The following RNF128 variants were observed in gnomAD, a reference collection of about 807,000 sequenced individuals.
RNF128 encodes the protein E3 ubiquitin-protein ligase RNF128.
Under a neutral mutation model 26.2 loss-of-function variants are expected in RNF128, and 13 were observed. The observed-to-expected ratio is 0.50, with a 90% CI of 0.32 to 0.79. RNF128 has a LOEUF of 0.79. Ranked by LOEUF, RNF128 falls within the 30% of genes least tolerant of loss-of-function variation. The pLI is 0.03. For missense variants in RNF128, 315 were observed against 349.7 expected, an observed-to-expected ratio of 0.90 and a Z score of 0.79; for synonymous variants, 149 against 142.5, an observed-to-expected ratio of 1.05 and a Z score of -0.32.
At chrX:106,708,141 C>A (rs760236256) in intron 1 of RNF128, among the ~76,000 whole-genome samples, 2 of 111,955 alleles carry the variant, frequency 1.8e-5, no homozygotes, top group East Asian at 5.6e-4. Context: ...TGGGGTTCCT[C>A]GGCTTGATGA....
chrX:106,788,591 T>C (rs1480384722), intron 4 of RNF128, among the ~76,000 whole-genome samples: 1 of 57,344 alleles, frequency 1.7e-5, no homozygotes, highest in East Asian at 5.5e-4. Flanking sequence ...TTACATAGTA[T>C]ATTATGTATA....
intron 1 of RNF128, among the ~76,000 whole-genome samples, chrX:106,765,985 G>T (rs1246880311): frequency 1.9e-5 from 2 of 106,049 alleles, no homozygotes; most frequent in African/African-American, 6.9e-5. Flanking sequence ...TTTCTGTCTT[G>T]GTGATAGTTT....
chrX:106,698,601 C>A (rs1330843645), intron 1 of RNF128, among the ~76,000 whole-genome samples: 1 of 111,152 alleles, frequency 9.0e-6, no homozygotes, highest in Non-Finnish European at 1.9e-5. Flanking sequence ...TTCAAATGAG[C>A]CTCAAATCTG....
intron 1 of RNF128, among the ~76,000 whole-genome samples, chrX:106,715,497 T>C (rs142759395): frequency 1.2e-3 from 140 of 112,150 alleles, no homozygotes; most frequent in Admixed American, 2.6e-3. Flanking sequence ...TTTTTTTTAA[T>C]TGGCTATCTG....
At chrX:106,789,591 C>T (rs1837164972) in intron 4 of RNF128, among the ~76,000 whole-genome samples, 1 of 101,266 alleles carries the variant, frequency 9.9e-6, no homozygotes, top group South Asian at 4.2e-4. Context: ...TATAGTTACA[C>T]ATGTAAATAT....
intron 1 of RNF128, among the ~76,000 whole-genome samples, chrX:106,772,170 T>C (rs1432852784): frequency 8.9e-6 from 1 of 111,902 alleles, no homozygotes; most frequent in South Asian, 3.8e-4. Flanking sequence ...ACTTATATAA[T>C]TGGTGGTAGA....
At chrX:106,707,013 CT>C (rs1411704163) in intron 1 of RNF128, among the ~76,000 whole-genome samples, 1 of 111,781 alleles carries the variant, frequency 8.9e-6, no homozygotes, top group East Asian at 2.8e-4. Context: ...CTGATATTTC[CT>C]TTACTTGGCA....
intron 1 of RNF128, among the ~76,000 whole-genome samples, chrX:106,734,140 A>G (rs888805343): frequency 9.0e-6 from 1 of 111,526 alleles, no homozygotes; most frequent in Non-Finnish European, 1.9e-5. Flanking sequence ...CTTGTAGTTG[A>G]AGGTTGTGGT....
upstream of RNF128, among the ~76,000 whole-genome samples, chrX:106,721,869 C>T (rs1018660713): frequency 3.6e-5 from 4 of 111,666 alleles, no homozygotes; most frequent in African/African-American, 1.3e-4. Context: ...GCCAGTTTTC[C>T]CTTCTGTAAA....
chrX:106,790,234 G>C lies in RNF128; in HGVS notation c.936G>C (p.Arg312Ser). 8.3e-7 allele frequency: 1 copy of C among 1,204,780 alleles called. No individual in the cohort carries two copies. The highest frequency in any genetic ancestry group is 1.1e-6 in the Non-Finnish European group (1 of 890,535). Residue 312 changes from arginine (R) to serine (S), a missense_variant, in exon 5 of 7, where the codon AGG becomes AGC. Transcript: ENST00000255499. ...TTGACCCATGGCTGTTAGAACACAG[G>C]ACTTGCCCCATGTGCAAATGTGACA... ...TCVDPWLLEH[R>S]TCPMCKCDIL... is the part of the protein sequence containing the mutation.
chrX:106,708,566 G>A (rs1264916677), intron 1 of RNF128, among the ~76,000 whole-genome samples: 1 of 112,158 alleles, frequency 8.9e-6, no homozygotes, highest in Non-Finnish European at 1.9e-5. Flanking sequence ...ACTTAGAGGA[G>A]TGAGGAGATT....
chrX:106,772,824 T>C (rs928669636), intron 1 of RNF128, 89 bp from the exon 2 acceptor site: 26 of 947,747 alleles, frequency 2.7e-5, no homozygotes, highest in Non-Finnish European at 3.5e-5. Flanking sequence ...CTTTGTCTCA[T>C]TGAGACCCAT....
chrX:106,789,323 T>G (rs1400584421), intron 4 of RNF128, among the ~76,000 whole-genome samples: 1 of 97,447 alleles, frequency 1.0e-5, no homozygotes, highest in African/African-American at 3.6e-5. Context: ...AATCCAGTAC[T>G]ATCCTTATAT....
At position 106,744,817 on chromosome X, in the gene RNF128, T is replaced by C. The variant is rs188714238; in HGVS notation, c.484+17420T>C. The stretch of plus-strand genomic sequence containing the variant: ...GTGTTAATTTCTAATGTGGTAAATA[T>C]CAATAGAAATAATCTACTAAACAAA... On this transcript the variant is annotated intron_variant, in intron 1 of 6. Transcript: ENST00000255499. Among the ~76,000 whole-genome samples the C allele has an allele frequency of 1.7e-3, 192 of 111,856 alleles. No individual in the cohort carries two copies. In the South Asian group the frequency reaches 0.026, roughly 15 times the overall value.
At chrX:106,725,235 C>T (rs766009727), upstream of RNF128, among the ~76,000 whole-genome samples, 2 of 111,621 alleles carry the variant, frequency 1.8e-5, no homozygotes, top group Non-Finnish European at 3.8e-5. Context: ...CTATTGGTCT[C>T]ATATACCCAC....
upstream of RNF128, among the ~76,000 whole-genome samples, chrX:106,723,423 C>A (rs1017080410): frequency 7.2e-5 from 8 of 110,499 alleles, no homozygotes; most frequent in South Asian, 3.1e-3. Context: ...AAAAATTAGC[C>A]GGGCATGGTG....
Position 106,727,074 on chromosome X carries a change from C to T in RNF128, c.161C>T (p.Pro54Leu). Residue 54 changes from proline (P) to leucine (L), a missense_variant, in exon 1 of 7, where the codon CCG (proline) becomes CTG (leucine). Transcript: ENST00000255499. ...TAYLNVSWRVPHTGVNRTVWE... is the reference protein window; with the variant it reads ...TAYLNVSWRVLHTGVNRTVWE... ...TACCTCAACGTGTCCTGGCGGGTTC[C>T]GCACACGGGAGTGAACCGTACGGTG... 1.7e-6 allele frequency: 2 copies of T among 1,204,125 alleles called. No homozygotes were observed. The highest frequency in any genetic ancestry group is 3.0e-5 in the East Asian group (1 of 33,665).
intron 1 of RNF128, among the ~76,000 whole-genome samples, chrX:106,729,581 G>C (rs1476944665): frequency 3.6e-5 from 4 of 110,823 alleles, no homozygotes; most frequent in African/African-American, 1.3e-4. Flanking sequence ...TACCATATAG[G>C]AATAAAGCCC....
chrX:106,777,435 AG>A (rs1311118258), intron 2 of RNF128, among the ~76,000 whole-genome samples: 1 of 112,080 alleles, frequency 8.9e-6, no homozygotes, highest in Non-Finnish European at 1.9e-5. Context: ...GGCTTCTGCA[AG>A]TATTAGATAG....
Sources: gnomAD v4.1 joint callset for allele counts (sites outside exome capture counted in the v4.1 genomes callset) on GRCh38, gnomAD v4.1.1 for gene constraint, MANE v1.5 for transcripts, NCBI Gene and HGNC (gene_info 2026-07-23, HGNC 2026-07-21) for gene names.